KCNQ5: variants seen among roughly 807,000 people sequenced by gnomAD.
The protein encoded by KCNQ5 is potassium voltage-gated channel subfamily KQT member 5.
In KCNQ5, 30 loss-of-function variants were observed where a neutral mutation model predicts 98.2. The observed-to-expected ratio is 0.31, with a 90% CI of 0.23 to 0.41. KCNQ5 has a LOEUF of 0.41. Ranked by LOEUF, KCNQ5 falls within the 10% of genes least tolerant of loss-of-function variation. The probability of loss-of-function intolerance (pLI) is 1.00; values close to 1 mark genes in which losing one functional copy is unlikely to be tolerated. For synonymous variants in KCNQ5, 458 were observed against 449.4 expected, an observed-to-expected ratio of 1.02 and a Z score of -0.24; for missense variants, 835 against 1,182.5, an observed-to-expected ratio of 0.71 and a Z score of 4.31.
chr6:73,120,403 C>G, intron 7 of KCNQ5, 80 bp from the exon 8 acceptor site: 1 of 997,100 alleles, frequency 1.0e-6, no homozygotes, highest in Non-Finnish European at 1.5e-6. Context: ...TGTGTAGTAA[C>G]TTAATCATTT....
intron 1 of KCNQ5, among the ~76,000 whole-genome samples, chr6:72,920,726 C>CTT (rs1209380576): frequency 6.6e-6 from 1 of 152,132 alleles, no homozygotes; most frequent in African/African-American, 2.4e-5. Flanking sequence ...CCAGCCAATA[C>CTT]TTTTTATATG....
chr6:73,066,532 C>T (rs926812188), intron 3 of KCNQ5, among the ~76,000 whole-genome samples: 20 of 152,128 alleles, frequency 1.3e-4, no homozygotes, highest in African/African-American at 4.3e-4. Context: ...AAATAAATTG[C>T]CTTAACACTT....
intron 1 of KCNQ5, among the ~76,000 whole-genome samples, chr6:72,787,004 CAAAAAAAAAAAA>C (rs1045803750): frequency 5.9e-5 from 3 of 50,464 alleles, no homozygotes; most frequent in Middle Eastern, 0.011. Flanking sequence ...GACTCTGTCT[CAAAAAAAAAAAA>C]AAAAAAAAAA....
At chr6:72,799,653 C>T (rs899032069) in intron 1 of KCNQ5, among the ~76,000 whole-genome samples, 1 of 152,194 alleles carries the variant, frequency 6.6e-6, no homozygotes, top group Non-Finnish European at 1.5e-5. Flanking sequence ...ACGGAGGTTC[C>T]AGAGTTTGAA....
chr6:72,790,506 G>T (rs1387495375), intron 1 of KCNQ5, among the ~76,000 whole-genome samples: 1 of 152,154 alleles, frequency 6.6e-6, no homozygotes, highest in African/African-American at 2.4e-5. Flanking sequence ...GGCTGGAAAG[G>T]GTAGTGATGG....
intron 1 of KCNQ5, among the ~76,000 whole-genome samples, chr6:72,735,729 T>C (rs887417734): frequency 6.6e-6 from 1 of 151,974 alleles, no homozygotes; most frequent in South Asian, 2.1e-4. Flanking sequence ...ATTAAACAAA[T>C]TGGATTGTTT....
chr6:72,941,666 CTCTT>C (rs11266961), intron 1 of KCNQ5, among the ~76,000 whole-genome samples: 5 of 83,156 alleles, frequency 6.0e-5, no homozygotes, highest in African/African-American at 2.4e-4. Flanking sequence ...CCCTCCCCAT[CTCTT>C]TCTTTCTTTC....
Position 72,735,142 on chromosome 6 carries a change from CA to C in KCNQ5, c.398+112562del, listed in dbSNP as rs533977906. On this transcript the variant is annotated intron_variant, in intron 1 of 13. Coordinates refer to ENST00000370398, the MANE Select transcript of KCNQ5 (RefSeq NM_019842.4). Reference sequence around the variant, plus strand: ...GCTTGCTGTTGGATAACTTGGTGATCAAAAAAACTCTTTTCTTAGACTAAAT... The same window carrying C: ...GCTTGCTGTTGGATAACTTGGTGATCAAAAAACTCTTTTCTTAGACTAAAT... Among the ~76,000 whole-genome samples, 9 of 152,078 alleles carry C rather than the reference CA, an allele frequency of 5.9e-5. No individual in the cohort carries two copies. The South Asian group carries it at 1.9e-3, about 32-fold the overall frequency.
chr6:72,863,711 G>T (rs2150155198), intron 1 of KCNQ5, among the ~76,000 whole-genome samples: 1 of 152,314 alleles, frequency 6.6e-6, no homozygotes, highest in South Asian at 2.1e-4. Context: ...TCAGATATAG[G>T]TATTTCTGTA....
At chr6:72,649,849 T>G (rs921558325) in intron 1 of KCNQ5, among the ~76,000 whole-genome samples, 1 of 152,096 alleles carries the variant, frequency 6.6e-6, no homozygotes, top group African/African-American at 2.4e-5. Flanking sequence ...CAACATGAAC[T>G]TAACACATTT....
chr6:72,675,024 C>T (rs1400889181), intron 1 of KCNQ5, among the ~76,000 whole-genome samples: 1 of 152,128 alleles, frequency 6.6e-6, no homozygotes, highest in Non-Finnish European at 1.5e-5. Context: ...TGCTAAGTTG[C>T]ACTTTAGATT....
chr6:73,152,075 C>G (rs1348491226), intron 10 of KCNQ5, among the ~76,000 whole-genome samples: 1 of 152,172 alleles, frequency 6.6e-6, no homozygotes, highest in East Asian at 1.9e-4. Flanking sequence ...CTCCCACTCT[C>G]TTCGTTTACT....
At chr6:72,820,273 T>A (rs1362807598) in intron 1 of KCNQ5, among the ~76,000 whole-genome samples, 1 of 152,156 alleles carries the variant, frequency 6.6e-6, no homozygotes, top group African/African-American at 2.4e-5. Context: ...TTGGGGAAAC[T>A]GAGGGACAAA....
intron 2 of KCNQ5, among the ~76,000 whole-genome samples, chr6:73,004,804 G>A (rs1037649670): frequency 1.3e-5 from 2 of 152,132 alleles, no homozygotes; most frequent in Non-Finnish European, 2.9e-5. Context: ...CTACAAACTG[G>A]AACAGCTCAC....
chr6:72,876,116 T>TTAAA lies in KCNQ5; in HGVS notation c.399-127791_399-127790insAAAT, dbSNP rs564915865. 3.5e-4 allele frequency among the ~76,000 whole-genome samples: 54 copies of TTAAA among 152,224 alleles called. 1 individual carries two copies. In the South Asian group the frequency reaches 5.8e-3, roughly 16 times the overall value. On this transcript the variant is annotated intron_variant, in intron 1 of 13. Coordinates refer to ENST00000370398, the MANE Select transcript of KCNQ5 (RefSeq NM_019842.4). ...GAAAACAACATTTATAGTTAGTTATTTGTCTCTAAATTATTATCCTGTTTA... is the reference window on the plus strand; with the variant it reads ...GAAAACAACATTTATAGTTAGTTATTTAAATGTCTCTAAATTATTATCCTGTTTA...
chr6:73,006,243 A>G (rs556501676), intron 2 of KCNQ5, among the ~76,000 whole-genome samples: 8 of 152,168 alleles, frequency 5.3e-5, no homozygotes, highest in Non-Finnish European at 1.0e-4. Flanking sequence ...CACAGAACTC[A>G]TAGAACACGA....
chr6:72,645,220 AAAAC>A, intron 1 of KCNQ5, among the ~76,000 whole-genome samples: 1 of 148,244 alleles, frequency 6.7e-6, no homozygotes, highest in African/African-American at 2.5e-5. Flanking sequence ...AAAACAAAAA[AAAAC>A]AAAAAAAACA....
intron 1 of KCNQ5, among the ~76,000 whole-genome samples, chr6:72,916,539 A>G (rs1423171328): frequency 6.6e-6 from 1 of 152,182 alleles, no homozygotes; most frequent in Non-Finnish European, 1.5e-5. Context: ...ACTGCTTCCT[A>G]AGCACTATCG....
intron 1 of KCNQ5, among the ~76,000 whole-genome samples, chr6:72,884,675 G>A (rs1436125062): frequency 2.0e-5 from 3 of 151,958 alleles, no homozygotes; most frequent in Non-Finnish European, 2.9e-5. Context: ...GGAGAGCGGT[G>A]AGACAATCTT....
Sources: gnomAD v4.1 joint callset for allele counts (sites outside exome capture counted in the v4.1 genomes callset) on GRCh38, gnomAD v4.1.1 for gene constraint, MANE v1.5 for transcripts, NCBI Gene and HGNC (gene_info 2026-07-23, HGNC 2026-07-21) for gene names.